IPMK: variants seen among roughly 807,000 people sequenced by gnomAD.
The protein encoded by IPMK is inositol 1,3,4,6-tetrakisphosphate 5-kinase.
Under a neutral mutation model 45.8 loss-of-function variants are expected in IPMK, and 17 were observed. That is an observed-to-expected ratio of 0.37 (90% CI 0.25 to 0.56). The LOEUF is 0.56. Ranked by LOEUF, IPMK falls within the 20% of genes least tolerant of loss-of-function variation. The probability of loss-of-function intolerance (pLI) is 0.79; values close to 1 mark genes in which losing one functional copy is unlikely to be tolerated. For synonymous variants in IPMK, 180 were observed against 184.3 expected, an observed-to-expected ratio of 0.98 and a Z score of 0.19; for missense variants, 399 against 498.0, an observed-to-expected ratio of 0.80 and a Z score of 1.89.
At position 58,247,284 on chromosome 10, in the gene IPMK, A is replaced by T. The variant is rs1842040608; in HGVS notation, c.191-9470T>A. ...GATCTAGAACTAGAAATACCATTTG[A>T]CCCAGCCATCCCATTACTGGGTATA... On this transcript the variant is annotated intron_variant, in intron 1 of 5. Coordinates refer to ENST00000373935, the MANE Select transcript of IPMK (RefSeq NM_152230.5). Among the ~76,000 whole-genome samples, 28 of 150,998 alleles carry T rather than the reference A, an allele frequency of 1.9e-4. No individual in the cohort carries two copies. The South Asian group carries it at 5.9e-3, about 32-fold the overall frequency.
rs1413052570 is a variant in IPMK, at chr10:58,267,573, C to A, written c.39G>T (p.Ala13=). The A allele has an allele frequency of 6.8e-6, 11 of 1,607,360 alleles. No homozygotes were observed. Among genetic ancestry groups the A allele is most frequent in the African/African-American group, 1.3e-5 (1 of 74,788 alleles). Residue 13 remains alanine (A), a synonymous_variant, in exon 1 of 6, where the codon GCG becomes GCT. Transcript: ENST00000373935. ...TEPPSPLRVE[A]PGPPEMRTSP... The stretch of plus-strand genomic sequence containing the variant: ...AGGTCCGCATTTCTGGGGGGCCCGG[C>A]GCCTCGACCCGGAGGGGGGATGGTG...
At chr10:58,246,311 T>C (rs1335509558) in intron 1 of IPMK, among the ~76,000 whole-genome samples, 10 of 149,804 alleles carry the variant, frequency 6.7e-5, no homozygotes, top group African/African-American at 1.5e-4. Flanking sequence ...TACTTTAAAG[T>C]TCATATGGAA....
chr10:58,220,454 T>C (rs1328568928), intron 3 of IPMK, among the ~76,000 whole-genome samples: 1 of 152,210 alleles, frequency 6.6e-6, no homozygotes, highest in Non-Finnish European at 1.5e-5. Flanking sequence ...TTAAAGCAAC[T>C]GCTTTAGAAG....
At chr10:58,201,602 A>C (rs527388316) in intron 4 of IPMK, among the ~76,000 whole-genome samples, 31 of 152,290 alleles carry the variant, frequency 2.0e-4, no homozygotes, top group African/African-American at 7.2e-4. Context: ...CCAATTAATA[A>C]TTAGTAACCC....
At chr10:58,217,156 CTTTTTTTTTTT>C (rs58314639) in intron 3 of IPMK, among the ~76,000 whole-genome samples, 1 of 102,932 alleles carries the variant, frequency 9.7e-6, no homozygotes, top group Non-Finnish European at 1.9e-5. Flanking sequence ...GCCCATCTTG[CTTTTTTTTTTT>C]TTTTTTTTTT....
Position 58,216,133 on chromosome 10 carries a change from A to G in IPMK, c.546+12T>C, listed in dbSNP as rs775761947. The G allele has an allele frequency of 1.3e-6, 2 of 1,561,822 alleles. No homozygotes were observed. The highest frequency in any genetic ancestry group is 1.2e-5 in the South Asian group (1 of 83,876). ...AGAGAAATGTGCATATTATACTAATAAGCACTCTTACCCTCATGCCAAGCA... is the reference window on the plus strand; with the variant it reads ...AGAGAAATGTGCATATTATACTAATGAGCACTCTTACCCTCATGCCAAGCA... On this transcript the variant is annotated intron_variant, in intron 4 of 5. Transcript: ENST00000373935.
chr10:58,206,822 T>C (rs561239594), intron 4 of IPMK, among the ~76,000 whole-genome samples: 19 of 152,122 alleles, frequency 1.2e-4, no homozygotes, highest in Non-Finnish European at 2.8e-4. Flanking sequence ...ATCTCATTCT[T>C]ATGCTTTTGC....
chr10:58,267,747 A>C lies in IPMK; in HGVS notation c.-136T>G. The C allele has an allele frequency of 1.7e-6, 1 of 596,974 alleles. No homozygotes were observed. The highest frequency in any genetic ancestry group is 2.0e-5 in the South Asian group (1 of 49,120). 37.0% of individuals were successfully genotyped at this position (596,974 alleles called of 1,614,324 possible). On this transcript the variant is annotated 5_prime_UTR_variant, in exon 1 of 6. Transcript: ENST00000373935. ...GGGTTCCCGCGGCTGGTGCCCTCTGAAGCGCGGGGAGGGGGCCCATGACGC... is the reference window on the plus strand; with the variant it reads ...GGGTTCCCGCGGCTGGTGCCCTCTGCAGCGCGGGGAGGGGGCCCATGACGC...
At chr10:58,236,013 C>T (rs1366707249) in intron 2 of IPMK, among the ~76,000 whole-genome samples, 1 of 151,882 alleles carries the variant, frequency 6.6e-6, no homozygotes. Flanking sequence ...ACTGCAACCT[C>T]CACCTCCCGG....
At chr10:58,243,171 A>G (rs903104576) in intron 1 of IPMK, among the ~76,000 whole-genome samples, 4 of 152,230 alleles carry the variant, frequency 2.6e-5, no homozygotes, top group African/African-American at 9.6e-5. Flanking sequence ...CATGTTGATT[A>G]TAACATTATT....
At chr10:58,247,827 G>T (rs545828203) in intron 1 of IPMK, among the ~76,000 whole-genome samples, 2 of 152,152 alleles carry the variant, frequency 1.3e-5, no homozygotes, top group East Asian at 3.9e-4. Flanking sequence ...AAATAAAAAA[G>T]AATTAGAAAT....
chr10:58,233,558 C>T (rs942287210), intron 2 of IPMK, among the ~76,000 whole-genome samples: 2 of 151,968 alleles, frequency 1.3e-5, no homozygotes, highest in African/African-American at 4.8e-5. Context: ...ATAAACAGAA[C>T]CAACGACAAA....
intron 2 of IPMK, among the ~76,000 whole-genome samples, chr10:58,233,515 A>C (rs1838559474): frequency 6.6e-6 from 1 of 152,250 alleles, no homozygotes; most frequent in African/African-American, 2.4e-5. Flanking sequence ...AAGCTGGTTT[A>C]ACATACGCAA....
chr10:58,233,658 G>A (rs1188600171), intron 2 of IPMK, among the ~76,000 whole-genome samples: 3 of 152,110 alleles, frequency 2.0e-5, no homozygotes, highest in African/African-American at 7.2e-5. Context: ...AGATATTGAT[G>A]GAATGTATCT....
chr10:58,216,991 C>T (rs1013470852), intron 3 of IPMK, among the ~76,000 whole-genome samples: 1 of 152,034 alleles, frequency 6.6e-6, no homozygotes, highest in South Asian at 2.1e-4. Flanking sequence ...ACTGGGATGA[C>T]AGGCGTGTAC....
chr10:58,251,451 A>G (rs1174563645), intron 1 of IPMK, among the ~76,000 whole-genome samples: 1 of 150,312 alleles, frequency 6.7e-6, no homozygotes, highest in Non-Finnish European at 1.5e-5. Flanking sequence ...AAAAATGTGT[A>G]TTCTGCAACT....
At chr10:58,250,973 T>A (rs1347033936) in intron 1 of IPMK, among the ~76,000 whole-genome samples, 1 of 152,204 alleles carries the variant, frequency 6.6e-6, no homozygotes, top group Non-Finnish European at 1.5e-5. Flanking sequence ...TGATGTATCA[T>A]GTTTCTTGAT....
At chr10:58,225,770 G>C (rs934836442) in intron 3 of IPMK, among the ~76,000 whole-genome samples, 2 of 152,002 alleles carry the variant, frequency 1.3e-5, no homozygotes. Flanking sequence ...TCTAGATACT[G>C]TACCTTCTCC....
chr10:58,216,715 A>G (rs1388973779), intron 3 of IPMK, among the ~76,000 whole-genome samples: 1 of 152,218 alleles, frequency 6.6e-6, no homozygotes, highest in Admixed American at 6.5e-5. Flanking sequence ...ATTCATTTAA[A>G]ATTAGTAATA....
Sources: allele counts gnomAD v4.1 joint callset (sites outside exome capture counted in the v4.1 genomes callset), GRCh38; gene constraint gnomAD v4.1.1; transcripts MANE v1.5; gene names NCBI Gene and HGNC (gene_info 2026-07-23, HGNC 2026-07-21).